The following TEAD4 variants were observed in gnomAD, a reference collection of about 807,000 sequenced individuals.
The protein encoded by TEAD4 is TEA domain transcription factor 4.
A neutral mutation model predicts 52.4 loss-of-function variants in TEAD4; 36 were observed. The ratio of observed to expected loss-of-function variants is 0.69; its 90% CI spans 0.53 to 0.91. TEAD4 has a LOEUF of 0.91. Ranked by LOEUF, TEAD4 falls within the 40% of genes least tolerant of loss-of-function variation. The pLI is 0.00. For missense variants in TEAD4, 508 were observed against 583.9 expected, an observed-to-expected ratio of 0.87 and a Z score of 1.34; for synonymous variants, 220 against 231.0, an observed-to-expected ratio of 0.95 and a Z score of 0.43.
chr12:2,970,342 ATC>A (rs2098224082), intron 2 of TEAD4, among the ~76,000 whole-genome samples: 3 of 152,196 alleles, frequency 2.0e-5, no homozygotes, highest in Non-Finnish European at 4.4e-5. Flanking sequence ...CTGGGTTTGA[ATC>A]TCTGTTCTGC....
chr12:2,963,764 G>C (rs2098217841), intron 2 of TEAD4, among the ~76,000 whole-genome samples: 1 of 152,208 alleles, frequency 6.6e-6, no homozygotes, highest in African/African-American at 2.4e-5. Context: ...ATTTCCACTA[G>C]AACTCAGGTC....
intron 2 of TEAD4, among the ~76,000 whole-genome samples, chr12:2,967,840 G>T (rs35103713): frequency 0.13 from 19,246 of 152,052 alleles, 1,428 homozygotes; most frequent in African/African-American, 0.2. Context: ...TTGGAGTTTG[G>T]ACCCAGGTCA....
intron 2 of TEAD4, among the ~76,000 whole-genome samples, chr12:2,966,754 C>T (rs901603117): frequency 7.7e-5 from 11 of 143,310 alleles, no homozygotes; most frequent in Admixed American, 2.8e-4. Flanking sequence ...TTGCCTAGGC[C>T]GGAGTACAGT....
intron 3 of TEAD4, among the ~76,000 whole-genome samples, chr12:3,010,201 G>A (rs766982225): frequency 2.0e-5 from 3 of 152,272 alleles, no homozygotes; most frequent in Non-Finnish European, 4.4e-5. Flanking sequence ...GTCCCTGTCC[G>A]TAGCACCCCT....
chr12:3,010,965 G>T, intron 3 of TEAD4, 39 bp from the exon 4 acceptor site: 1 of 1,613,098 alleles, frequency 6.2e-7, no homozygotes, highest in Non-Finnish European at 8.5e-7. Context: ...CCAGCCTTTT[G>T]TCCTTCTCTC....
chr12:2,973,792 G>T (rs1013888597), intron 2 of TEAD4, among the ~76,000 whole-genome samples: 8 of 152,304 alleles, frequency 5.3e-5, no homozygotes, highest in Non-Finnish European at 7.4e-5. Flanking sequence ...TGTCCAGCCT[G>T]CATTTCAACC....
At chr12:3,021,778 A>C (rs1213868402) in intron 9 of TEAD4, 66 bp from the exon 10 acceptor site, 1 of 1,562,310 alleles carries the variant, frequency 6.4e-7, no homozygotes, top group African/African-American at 1.4e-5. Flanking sequence ...GGGCACGCAG[A>C]GCCAGGGTTG....
At chr12:3,022,138 G>A in intron 10 of TEAD4, 121 bp downstream of exon 10, 1 of 1,304,584 alleles carries the variant, frequency 7.7e-7, no homozygotes, top group Admixed American at 2.1e-5. Context: ...GCACCAGTGA[G>A]AAGGGGAGAG....
rs1442999662 is a variant in TEAD4 at position 2,959,500 on chromosome 12, C to T, written c.-123+19C>T. ...CCGCCAGGTGAGAGGCGCCCGCGCC[C>T]GCCGCACCCGCCGGCGCCCTCACGG... is the stretch of plus-strand genomic sequence containing the variant. On this transcript the variant is annotated intron_variant, in intron 1 of 12. Transcript: ENST00000359864. This position sits in a 1 kb window ranked among gnomAD's most constrained non-coding sequence, Gnocchi z 5.1. The T allele has an allele frequency of 1.4e-5, 2 of 147,368 alleles. No individual in the cohort carries two copies. Among genetic ancestry groups the T allele is most frequent in the African/African-American group, 2.4e-5 (1 of 40,872 alleles). The allele number at this position is 147,368 out of a possible 1,614,324, so 9.1% of individuals were successfully genotyped here.
chr12:2,991,786 CA>C (rs2098243202), intron 2 of TEAD4, among the ~76,000 whole-genome samples: 1 of 152,132 alleles, frequency 6.6e-6, no homozygotes, highest in African/African-American at 2.4e-5. Context: ...ACTCTGCCCC[CA>C]AACTCTCATG....
chr12:2,966,124 C>T (rs2098220038), intron 2 of TEAD4, among the ~76,000 whole-genome samples: 1 of 152,188 alleles, frequency 6.6e-6, no homozygotes, highest in South Asian at 2.1e-4. Flanking sequence ...TTGGAGAAAA[C>T]AACTCTAACT....
intron 3 of TEAD4, among the ~76,000 whole-genome samples, chr12:3,008,837 G>A (rs1416092199): frequency 1.3e-5 from 2 of 152,108 alleles, no homozygotes; most frequent in Non-Finnish European, 2.9e-5. Flanking sequence ...TGCAAGGGAC[G>A]GGCCAGAGGA....
intron 3 of TEAD4, among the ~76,000 whole-genome samples, chr12:3,004,178 G>A (rs1328462194): frequency 1.3e-5 from 2 of 152,258 alleles, no homozygotes; most frequent in Non-Finnish European, 2.9e-5. Flanking sequence ...CTTACCTCAT[G>A]CAGAGACTTA....
At chr12:3,020,164 G>A (rs1445932943) in intron 8 of TEAD4, among the ~76,000 whole-genome samples, 1 of 152,210 alleles carries the variant, frequency 6.6e-6, no homozygotes, top group Non-Finnish European at 1.5e-5. Context: ...GGGCTCTTCT[G>A]GGCCAGGCCC....
rs576923663 is a variant in TEAD4, at chr12:3,006,605, A to C, written c.227-4399A>C. 1.4e-3 allele frequency among the ~76,000 whole-genome samples: 206 copies of C among 152,134 alleles called. 2 individuals carry two copies. Among genetic ancestry groups the C allele is most frequent in the African/African-American group, 4.8e-3 (200 of 41,506 alleles). ...AGGCTGAGGCAGGAGAATCACTTGA[A>C]CCTGGGAGGCGGAGGTTGTGGTGAG... On this transcript the variant is annotated intron_variant, in intron 3 of 12. Coordinates refer to ENST00000359864, the MANE Select transcript of TEAD4 (RefSeq NM_003213.4).
chr12:3,032,030 C>A (rs940868045), intron 10 of TEAD4, among the ~76,000 whole-genome samples: 9 of 152,356 alleles, frequency 5.9e-5, no homozygotes, highest in Non-Finnish European at 1.0e-4. Flanking sequence ...AGACTTAGCT[C>A]TGTGCAGTCA....
chr12:2,971,238 T>C (rs2098224713), intron 2 of TEAD4, among the ~76,000 whole-genome samples: 1 of 152,090 alleles, frequency 6.6e-6, no homozygotes, highest in Non-Finnish European at 1.5e-5. Flanking sequence ...TAAAGGATGA[T>C]TGATTCTGTC....
intron 10 of TEAD4, among the ~76,000 whole-genome samples, chr12:3,030,830 A>G (rs1166409587): frequency 6.6e-6 from 1 of 152,142 alleles, no homozygotes; most frequent in Non-Finnish European, 1.5e-5. Flanking sequence ...GTGGACGGTC[A>G]TGGCCACGTG....
intron 2 of TEAD4, among the ~76,000 whole-genome samples, chr12:2,975,789 A>G (rs542411123): frequency 3.5e-4 from 53 of 152,102 alleles, no homozygotes; most frequent in Non-Finnish European, 5.4e-4. Flanking sequence ...CCATTACAGT[A>G]TCATGCAGAA....
Sources: allele counts gnomAD v4.1 joint callset (sites outside exome capture counted in the v4.1 genomes callset), GRCh38; gene constraint gnomAD v4.1.1; non-coding constraint Gnocchi (gnomAD v3.1); transcripts MANE v1.5; gene names NCBI Gene and HGNC (gene_info 2026-07-23, HGNC 2026-07-21).